The following SV2C variants were observed in gnomAD, a reference collection of about 807,000 sequenced individuals.
SV2C encodes the protein solute carrier family 22 member B3.
Under a neutral mutation model 79.7 loss-of-function variants are expected in SV2C, and 49 were observed. That is an observed-to-expected ratio of 0.61 (90% CI 0.49 to 0.78). The LOEUF (loss-of-function observed/expected upper bound fraction) is 0.78. Ranked by LOEUF, SV2C falls within the 30% of genes least tolerant of loss-of-function variation. SV2C has a pLI of 0.00. For synonymous variants in SV2C, 334 were observed against 333.2 expected, an observed-to-expected ratio of 1.00 and a Z score of -0.03; for missense variants, 833 against 912.9, an observed-to-expected ratio of 0.91 and a Z score of 1.13.
chr5:76,093,856 A>T (rs74999418), intron 1 of SV2C, among the ~76,000 whole-genome samples: 2 of 152,258 alleles, frequency 1.3e-5, no homozygotes, highest in East Asian at 3.9e-4. Flanking sequence ...CTTTGACATC[A>T]CTATTCCAAG....
intron 4 of SV2C, among the ~76,000 whole-genome samples, chr5:76,234,714 G>T (rs1203366609): frequency 6.6e-6 from 1 of 152,180 alleles, no homozygotes; most frequent in East Asian, 1.9e-4. Context: ...AAAGGTTATT[G>T]ATTTGCTCAT....
the SV2C span, chr5:75,921,382 C>T: frequency 1.1e-6 from 1 of 879,594 alleles, no homozygotes; most frequent in South Asian, 1.3e-5. Flanking sequence ...GGTAGGTGTC[C>T]TGCCCTGGGT....
chr5:76,009,583 A>G, the SV2C span, among the ~76,000 whole-genome samples: 1 of 152,228 alleles, frequency 6.6e-6, no homozygotes, highest in Non-Finnish European at 1.5e-5. Context: ...CACAGCCATG[A>G]GAAGAATGAA....
chr5:75,894,560 CTGG>C, the SV2C span, among the ~76,000 whole-genome samples: 1 of 151,996 alleles, frequency 6.6e-6, no homozygotes, highest in African/African-American at 2.4e-5. Context: ...TTTGACCTGT[CTGG>C]TGGTTTCATG....
At chr5:76,138,186 A>G (rs1749131580) in intron 2 of SV2C, among the ~76,000 whole-genome samples, 1 of 152,192 alleles carries the variant, frequency 6.6e-6, no homozygotes, top group Non-Finnish European at 1.5e-5. Context: ...AAAGATGAAG[A>G]TAGGAGACCT....
Position 76,329,499 on chromosome 5 carries a change from G to T in SV2C, c.*3952G>T, listed in dbSNP as rs1202857079. 1.3e-5 allele frequency: 2 copies of T among 152,176 alleles called. No individual in the cohort carries two copies. The highest frequency in any genetic ancestry group is 4.8e-5 in the African/African-American group (2 of 41,450). 9.4% of individuals were successfully genotyped at this position (152,176 alleles called of 1,614,324 possible). ...TCAGGTTTTCACCAAAAACTGCTTA[G>T]TTGTCTTTCAAGATACCTTAAGAGA... On this transcript the variant is annotated 3_prime_UTR_variant, in exon 13 of 13. Transcript: ENST00000502798.
intron 1 of SV2C, among the ~76,000 whole-genome samples, chr5:76,123,144 G>C (rs187722572): frequency 4.6e-5 from 7 of 152,134 alleles, no homozygotes; most frequent in East Asian, 1.9e-4. Flanking sequence ...GGATAAATTC[G>C]TCGACACATA....
intron 2 of SV2C, among the ~76,000 whole-genome samples, chr5:76,162,029 G>A (rs1342479972): frequency 1.3e-5 from 2 of 151,916 alleles, no homozygotes; most frequent in Non-Finnish European, 2.9e-5. Flanking sequence ...TTATACTTGG[G>A]CTATTTATAG....
chr5:75,879,713 G>A, the SV2C span, among the ~76,000 whole-genome samples: 1 of 152,204 alleles, frequency 6.6e-6, no homozygotes, highest in East Asian at 1.9e-4. Context: ...TCTAGGTTCT[G>A]GAGGGCAGTA....
intron 4 of SV2C, among the ~76,000 whole-genome samples, chr5:76,232,720 C>G (rs1351829235): frequency 9.9e-5 from 14 of 140,774 alleles, no homozygotes; most frequent in South Asian, 2.2e-4. Flanking sequence ...GCTTGTTTTT[C>G]TCAGGTTTGT....
the SV2C span, among the ~76,000 whole-genome samples, chr5:76,048,572 T>TA: frequency 2.6e-5 from 4 of 152,048 alleles, no homozygotes; most frequent in East Asian, 1.9e-4. Context: ...CACAAGCCTT[T>TA]AAAAAGGTGA....
chr5:76,262,886 G>C (rs375598415), intron 4 of SV2C, among the ~76,000 whole-genome samples: 134 of 152,320 alleles, frequency 8.8e-4, no homozygotes, highest in Middle Eastern at 3.4e-3. Flanking sequence ...ATGATGTGGT[G>C]CTGAGAAGAA....
the SV2C span, among the ~76,000 whole-genome samples, chr5:75,937,715 C>CAAA: frequency 1.8e-4 from 28 of 151,664 alleles, no homozygotes; most frequent in African/African-American, 6.5e-4. Flanking sequence ...TCTAAAGAAA[C>CAAA]AAAAAAACAA....
chr5:76,310,813 T>G (rs1042748636), intron 12 of SV2C, among the ~76,000 whole-genome samples: 4 of 151,876 alleles, frequency 2.6e-5, no homozygotes, highest in African/African-American at 7.3e-5. Flanking sequence ...AATCCAGAGG[T>G]AACACAGATC....
the SV2C span, among the ~76,000 whole-genome samples, chr5:76,004,053 A>G: frequency 9.5e-5 from 14 of 147,546 alleles, no homozygotes; most frequent in Non-Finnish European, 1.3e-4. Context: ...AGGGACAAGG[A>G]AAAAAAAAAG....
the SV2C span, among the ~76,000 whole-genome samples, chr5:75,979,525 G>A: frequency 2.0e-4 from 21 of 104,142 alleles, no homozygotes; most frequent in African/African-American, 5.5e-4. Context: ...CATAGCAAAC[G>A]GCCTCTGGGA....
chr5:76,092,092 C>T (rs1747396910), intron 1 of SV2C, among the ~76,000 whole-genome samples: 1 of 151,930 alleles, frequency 6.6e-6, no homozygotes, highest in Admixed American at 6.6e-5. Flanking sequence ...TTTAGTAGAA[C>T]CGATATAGTA....
chr5:75,928,877 C>T, the SV2C span, among the ~76,000 whole-genome samples: 28 of 152,242 alleles, frequency 1.8e-4, no homozygotes, highest in Admixed American at 1.7e-3. Flanking sequence ...GATGGGAGAA[C>T]TGGAGGAAAT....
At position 76,330,368 on chromosome 5, in the gene SV2C, A is replaced by C. The variant is rs1749141502; in HGVS notation, c.*4821A>C. ...GTTGGGCAGGGGAAGAGCTGAGCCG[A>C]GCCTTCACTGATCTCTTGTCATTTC... On this transcript the variant is annotated 3_prime_UTR_variant, in exon 13 of 13. Coordinates refer to ENST00000502798, the MANE Select transcript of SV2C (RefSeq NM_014979.4). 1 of 152,164 alleles carries C rather than the reference A, an allele frequency of 6.6e-6. No homozygotes were observed. Among genetic ancestry groups the C allele is most frequent in the Non-Finnish European group, 1.5e-5 (1 of 68,044 alleles). The allele number at this position is 152,164 out of a possible 1,614,324, so 9.4% of individuals were successfully genotyped here. A position where few individuals can be genotyped will look rare whatever the true frequency, so the allele number is the denominator to read the frequency against.
Sources: gnomAD v4.1 joint callset for allele counts (sites outside exome capture counted in the v4.1 genomes callset) on GRCh38, gnomAD v4.1.1 for gene constraint, MANE v1.5 for transcripts, NCBI Gene and HGNC (gene_info 2026-07-23, HGNC 2026-07-21) for gene names.